Variants in MSRA observed in about 807,000 individuals in gnomAD.
MSRA encodes methionine sulfoxide reductase A, also known as mitochondrial peptide methionine sulfoxide reductase.
Under a neutral mutation model 31.3 loss-of-function variants are expected in MSRA, and 54 were observed. That is an observed-to-expected ratio of 1.73 (90% CI 1.39 to 2.17). The LOEUF (loss-of-function observed/expected upper bound fraction) is 2.17, where lower values mean the gene tolerates loss of function less well. MSRA is among the 30% of genes most tolerant of loss of function. The probability of loss-of-function intolerance (pLI) is 0.00; values close to 1 mark genes in which losing one functional copy is unlikely to be tolerated. For synonymous variants in MSRA, 169 were observed against 116.5 expected (o/e 1.45, Z -2.90); for missense variants, 507 against 300.9 (o/e 1.69, Z -5.07).
At chr8:10,133,769 C>T (rs1374430105) in intron 1 of MSRA, among the ~76,000 whole-genome samples, 1 of 152,196 alleles carries the variant, frequency 6.6e-6, no homozygotes, top group Non-Finnish European at 1.5e-5. Flanking sequence ...TGAACCTTAA[C>T]AGGATATTAT....
chr8:10,116,254 G>C (rs370303056), intron 1 of MSRA, among the ~76,000 whole-genome samples: 1 of 152,122 alleles, frequency 6.6e-6, no homozygotes, highest in Non-Finnish European at 1.5e-5. Flanking sequence ...TTAAAACATT[G>C]ATTTTTTTTA....
At chr8:10,188,198 T>C (rs76211179) in intron 1 of MSRA, among the ~76,000 whole-genome samples, 2,166 of 152,364 alleles carry the variant, frequency 0.014, 34 homozygotes, top group South Asian at 0.044. Flanking sequence ...GAAATGCACA[T>C]TGGTGTAATA....
chr8:10,423,776 C>G (rs141780622), intron 5 of MSRA, among the ~76,000 whole-genome samples: 98 of 152,312 alleles, frequency 6.4e-4, no homozygotes, highest in African/African-American at 2.1e-3. Context: ...GTCCGTCGTC[C>G]CCTTCTCCCT....
chr8:10,220,243 A>G (rs1355331008), intron 2 of MSRA, among the ~76,000 whole-genome samples: 1 of 152,228 alleles, frequency 6.6e-6, no homozygotes, highest in Non-Finnish European at 1.5e-5. Flanking sequence ...GACCAAGACC[A>G]AGTTTCCTTG....
chr8:10,135,653 C>G (rs919466721), intron 1 of MSRA, among the ~76,000 whole-genome samples: 2 of 152,214 alleles, frequency 1.3e-5, no homozygotes, highest in East Asian at 3.8e-4. Flanking sequence ...AAGCAACATT[C>G]TGTGCATTCG....
At chr8:10,074,016 T>G (rs189864824) in intron 1 of MSRA, among the ~76,000 whole-genome samples, 1 of 148,508 alleles carries the variant, frequency 6.7e-6, no homozygotes, top group East Asian at 2.0e-4. Flanking sequence ...GTTCTTCACT[T>G]TTTAGTTACA....
chr8:10,420,690 A>G (rs1808759785), intron 5 of MSRA, among the ~76,000 whole-genome samples: 1 of 151,982 alleles, frequency 6.6e-6, no homozygotes, highest in African/African-American at 2.4e-5. Context: ...CCCCATGTAC[A>G]AGTGCTTTTC....
intron 2 of MSRA, among the ~76,000 whole-genome samples, chr8:10,229,887 C>G (rs900968601): frequency 1.1e-4 from 16 of 152,196 alleles, no homozygotes; most frequent in South Asian, 4.1e-4. Context: ...GTGTTTGACT[C>G]TGCATTCCCC....
At chr8:10,269,714 G>A (rs764661309) in intron 3 of MSRA, among the ~76,000 whole-genome samples, 6 of 152,054 alleles carry the variant, frequency 3.9e-5, no homozygotes, top group Admixed American at 3.9e-4. Context: ...GCAGTGACTT[G>A]ATCTCGGCTC....
At chr8:10,101,209 T>C (rs984804417) in intron 1 of MSRA, among the ~76,000 whole-genome samples, 1 of 152,164 alleles carries the variant, frequency 6.6e-6, no homozygotes, top group Non-Finnish European at 1.5e-5. Flanking sequence ...AATTTCTTCA[T>C]CTGCAGAACA....
chr8:10,327,924 A>G (rs1197451429), intron 5 of MSRA, among the ~76,000 whole-genome samples: 2 of 151,826 alleles, frequency 1.3e-5, no homozygotes, highest in East Asian at 1.9e-4. Context: ...CGTCTCAACA[A>G]CTAGAACAAC....
intron 1 of MSRA, among the ~76,000 whole-genome samples, chr8:10,151,650 AAAAAC>A (rs1362953410): frequency 6.6e-6 from 1 of 152,208 alleles, no homozygotes; most frequent in African/African-American, 2.4e-5. Flanking sequence ...ACTGTGTCTC[AAAAAC>A]AAAACAAAAC....
At chr8:10,245,261 C>T in intron 3 of MSRA, 38 bp downstream of exon 3, 1 of 1,595,384 alleles carries the variant, frequency 6.3e-7, no homozygotes. Context: ...CTAGGAGAAA[C>T]AAGGGAGGGC....
At chr8:10,327,928 GAAC>G (rs201768082) in intron 5 of MSRA, among the ~76,000 whole-genome samples, 6 of 149,134 alleles carry the variant, frequency 4.0e-5, no homozygotes, top group South Asian at 2.1e-4. Context: ...TCAACAACTA[GAAC>G]AACAACAACA....
At position 10,352,818 on chromosome 8, in the gene MSRA, T is replaced by C. The variant is rs117824086; in HGVS notation, c.543+32829T>C. Reference sequence around the variant, plus strand: ...CAGAACGCGTGCCAGAGCCAGTGTTTTGGAGAGTCAACAACAACCGGGGGA... The same window carrying C: ...CAGAACGCGTGCCAGAGCCAGTGTTCTGGAGAGTCAACAACAACCGGGGGA... On this transcript the variant is annotated intron_variant, in intron 5 of 5. Coordinates refer to ENST00000317173, the MANE Select transcript of MSRA (RefSeq NM_012331.5). Among the ~76,000 whole-genome samples, 1,154 of 152,228 alleles carry C rather than the reference T, an allele frequency of 7.6e-3. 17 individuals carry two copies. Among genetic ancestry groups the C allele is most frequent in the East Asian group, 0.037 (193 of 5,182 alleles).
intron 5 of MSRA, among the ~76,000 whole-genome samples, chr8:10,410,376 G>T (rs1808083008): frequency 6.6e-6 from 1 of 152,220 alleles, no homozygotes; most frequent in South Asian, 2.1e-4. Context: ...CAAGTGGCCA[G>T]GCCCTTGACG....
intron 5 of MSRA, among the ~76,000 whole-genome samples, chr8:10,397,115 T>C (rs899141596): frequency 1.3e-5 from 2 of 152,240 alleles, no homozygotes; most frequent in African/African-American, 4.8e-5. Flanking sequence ...TATATAGGAC[T>C]CTATGATCCG....
intron 5 of MSRA, among the ~76,000 whole-genome samples, chr8:10,416,542 A>C (rs2129192010): frequency 6.6e-6 from 1 of 152,256 alleles, no homozygotes; most frequent in Non-Finnish European, 1.5e-5. Context: ...ACAAGTAGGG[A>C]CGCTTCCGCT....
At chr8:10,213,730 A>T (rs1809730772) in intron 2 of MSRA, among the ~76,000 whole-genome samples, 1 of 151,908 alleles carries the variant, frequency 6.6e-6, no homozygotes, top group African/African-American at 2.4e-5. Context: ...TCTTCTGTGG[A>T]TGGACACTTA....
Sources: gnomAD v4.1 joint callset for allele counts (sites outside exome capture counted in the v4.1 genomes callset) on GRCh38, gnomAD v4.1.1 for gene constraint, MANE v1.5 for transcripts, NCBI Gene and HGNC (gene_info 2026-07-23, HGNC 2026-07-21) for gene names.